NUP93: variants seen among roughly 807,000 people sequenced by gnomAD.
The protein encoded by NUP93 is nucleoporin 93.
Under a neutral mutation model 107.8 loss-of-function variants are expected in NUP93, and 55 were observed. The ratio of observed to expected loss-of-function variants is 0.51; its 90% confidence interval spans 0.41 to 0.64. The LOEUF (loss-of-function observed/expected upper bound fraction) is 0.64, where lower values mean the gene tolerates loss of function less well. NUP93 is among the 30% of genes least tolerant of loss of function. The probability of loss-of-function intolerance (pLI) is 0.00; values close to 1 mark genes in which losing one functional copy is unlikely to be tolerated. For synonymous variants in NUP93, 390 were observed against 397.5 expected, an observed-to-expected ratio of 0.98 and a Z score of 0.22; for missense variants, 937 against 1,044.7, an observed-to-expected ratio of 0.90 and a Z score of 1.42.
chr16:56,741,142 CT>C (rs1961733457), intron 1 of NUP93, among the ~76,000 whole-genome samples: 1 of 152,148 alleles, frequency 6.6e-6, no homozygotes, highest in African/African-American at 2.4e-5. Context: ...TTTTAATTGT[CT>C]TCCAGAAGTT....
At chr16:56,826,164 CTGTT>C (rs1208106841) in intron 8 of NUP93, among the ~76,000 whole-genome samples, 3 of 152,172 alleles carry the variant, frequency 2.0e-5, no homozygotes, top group Admixed American at 6.5e-5. Flanking sequence ...TAGTGGGCAT[CTGTT>C]TGTCCTGGCT....
intron 9 of NUP93, 35 bp downstream of exon 9, chr16:56,829,144 C>G: frequency 1.3e-6 from 2 of 1,593,510 alleles, no homozygotes; most frequent in Non-Finnish European, 1.7e-6. Context: ...TCAGTTACAC[C>G]CCCAGAGCAG....
At chr16:56,756,966 T>C (rs144192268) in intron 2 of NUP93, among the ~76,000 whole-genome samples, 1,628 of 152,262 alleles carry the variant, frequency 0.011, 17 homozygotes, top group Non-Finnish European at 0.018. Flanking sequence ...ACCCACTCTT[T>C]TAGAGAGTTA....
Position 56,823,704 on chromosome 16 carries a change from C to T in NUP93, c.655-3C>T. 1.2e-6 allele frequency: 2 copies of T among 1,613,848 alleles called. No homozygotes were observed. Among genetic ancestry groups the T allele is most frequent in the Admixed American group, 1.7e-5 (1 of 59,998 alleles). On this transcript the variant is annotated splice_region_variant and splice_polypyrimidine_tract_variant and intron_variant, in intron 7 of 21. Transcript: ENST00000308159. ...TGTCACATGCAGTTTCATTTATGTG[C>T]AGAGCATTTCCGACATGTGGACCAT...
rs1484158951 is a variant in NUP93 at position 56,845,989 on chromosome 16, T to C, written c.*1380T>C. 6.6e-6 allele frequency: 1 copy of C among 152,278 alleles called. No individual in the cohort carries two copies. Among genetic ancestry groups the C allele is most frequent in the Non-Finnish European group, 1.5e-5 (1 of 68,064 alleles). 9.4% of individuals were successfully genotyped at this position (152,278 alleles called of 1,614,324 possible). ...GTCCCATCTTGTCACCCTGGAGGAC[T>C]GTCTTCAATTGAGCTTTACTAGAAA... On this transcript the variant is annotated 3_prime_UTR_variant, in exon 22 of 22. Coordinates refer to ENST00000308159, the MANE Select transcript of NUP93 (RefSeq NM_014669.5).
chr16:56,738,009 T>C (rs1161297462), intron 1 of NUP93, among the ~76,000 whole-genome samples: 1 of 152,248 alleles, frequency 6.6e-6, no homozygotes, highest in African/African-American at 2.4e-5. Context: ...TTTATGCTAG[T>C]TGTAAGACAG....
intron 3 of NUP93, among the ~76,000 whole-genome samples, chr16:56,777,797 G>T (rs982498719): frequency 1.1e-4 from 16 of 152,310 alleles, no homozygotes; most frequent in Middle Eastern, 3.4e-3. Context: ...GCCAAGAACC[G>T]CCTTAGTATG....
rs550142870 is a variant in NUP93 at position 56,809,482 on chromosome 16, G to A, written c.489+3850G>A. ...CGTTACAAAAATTATGGTGCTAGGT[G>A]TTTTCAGGTAATATCATCAGTGCTT... is the stretch of plus-strand genomic sequence containing the variant. On this transcript the variant is annotated intron_variant, in intron 5 of 21. Transcript: ENST00000308159. Among the ~76,000 whole-genome samples the A allele has an allele frequency of 3.3e-5, 5 of 152,268 alleles. No individual in the cohort carries two copies. The East Asian group carries it at 9.6e-4, about 29-fold the overall frequency.
chr16:56,758,001 G>T (rs1962056148), intron 2 of NUP93, among the ~76,000 whole-genome samples: 1 of 152,052 alleles, frequency 6.6e-6, no homozygotes, highest in African/African-American at 2.4e-5. Flanking sequence ...AACCTGGGAG[G>T]TGGAGGTTAC....
At chr16:56,793,079 C>G (rs1432205649) in intron 3 of NUP93, among the ~76,000 whole-genome samples, 2 of 152,148 alleles carry the variant, frequency 1.3e-5, no homozygotes, top group Non-Finnish European at 2.9e-5. Context: ...GCAATAATGT[C>G]TTTGAATTGC....
intron 12 of NUP93, among the ~76,000 whole-genome samples, 191 bp downstream of exon 12, chr16:56,832,579 C>A (rs1422287838): frequency 2.0e-5 from 3 of 152,164 alleles, no homozygotes; most frequent in African/African-American, 7.2e-5. Context: ...TTAAGAAATA[C>A]ATAAAACTTA....
At position 56,833,285 on chromosome 16, in the gene NUP93, T is replaced by G; in HGVS notation, c.1416T>G (p.Phe472Leu). The G allele has an allele frequency of 6.2e-7, 1 of 1,607,476 alleles. No homozygotes were observed. Among genetic ancestry groups the G allele is most frequent in the Non-Finnish European group, 8.5e-7 (1 of 1,177,900 alleles). The change falls in exon 13 of 22, where the codon TTT (phenylalanine) becomes TTG (leucine). Residue 472 changes from phenylalanine to leucine, a missense_variant. Phe to Leu is a conservative substitution (Grantham distance 22). Transcript: ENST00000308159. ...YFQVLFLTAQ[F>L]EAAVAFLFRM... ...AAGTCCTGTTCCTGACAGCGCAGTT[T>G]GAAGCAGCAGTTGCCTTTCTTTTCC...
At chr16:56,840,879 C>T (rs1042872263) in intron 20 of NUP93, among the ~76,000 whole-genome samples, 3 of 152,128 alleles carry the variant, frequency 2.0e-5, no homozygotes, top group Non-Finnish European at 2.9e-5. Flanking sequence ...TACCTGTAGT[C>T]CCAGCTATTC....
intron 5 of NUP93, among the ~76,000 whole-genome samples, chr16:56,807,754 GGTTCA>G (rs1210024097): frequency 6.6e-6 from 1 of 151,924 alleles, no homozygotes; most frequent in African/African-American, 2.4e-5. Flanking sequence ...CGGGCGCGGT[GGTTCA>G]CGCCTATAAT....
chr16:56,758,059 A>C (rs1962057411), intron 2 of NUP93, among the ~76,000 whole-genome samples: 1 of 145,764 alleles, frequency 6.9e-6, no homozygotes, highest in Non-Finnish European at 1.5e-5. Flanking sequence ...CGACAGAGTG[A>C]CACTCTGTCT....
intron 1 of NUP93, among the ~76,000 whole-genome samples, chr16:56,743,297 G>C (rs1961768292): frequency 6.6e-6 from 1 of 152,116 alleles, no homozygotes; most frequent in Non-Finnish European, 1.5e-5. Flanking sequence ...TATGAATGTT[G>C]ATATGCCCTA....
Position 56,832,282 on chromosome 16 carries a change from C to T in NUP93, c.1252-13C>T. 1 of 1,611,038 alleles carries T rather than the reference C, an allele frequency of 6.2e-7. No individual in the cohort carries two copies. The highest frequency in any genetic ancestry group is 8.5e-7 in the Non-Finnish European group (1 of 1,177,146). On this transcript the variant is annotated splice_polypyrimidine_tract_variant and intron_variant, in intron 11 of 21. Transcript: ENST00000308159. The stretch of plus-strand genomic sequence containing the variant: ...CATTTGTACCAATGCATGTGTTTCT[C>T]TTGGGGATTTAGTTGAACCAAGTGT...
intron 1 of NUP93, among the ~76,000 whole-genome samples, chr16:56,746,567 C>G (rs571057146): frequency 6.6e-6 from 1 of 152,326 alleles, no homozygotes; most frequent in African/African-American, 2.4e-5. Flanking sequence ...TCCAGCTGAG[C>G]TATTTTTAAC....
chr16:56,829,230 G>A (rs1270013839), intron 9 of NUP93, 121 bp downstream of exon 9: 1 of 1,238,968 alleles, frequency 8.1e-7, no homozygotes, highest in Non-Finnish European at 1.1e-6. Context: ...GACCAGAGAG[G>A]GGTGAGGACA....
Sources: allele counts gnomAD v4.1 joint callset (sites outside exome capture counted in the v4.1 genomes callset), GRCh38; gene constraint gnomAD v4.1.1; transcripts MANE v1.5; gene names NCBI Gene and HGNC (gene_info 2026-07-23, HGNC 2026-07-21).